Variants in HEATR5B observed in about 807,000 individuals in gnomAD.
The protein encoded by HEATR5B is HEAT repeat-containing protein 5B.
Under a neutral mutation model 224.1 loss-of-function variants are expected in HEATR5B, and 156 were observed. The ratio of observed to expected loss-of-function variants is 0.70; its 90% CI spans 0.61 to 0.80. HEATR5B has a LOEUF of 0.80. HEATR5B is among the 30% of genes least tolerant of loss of function. The probability of loss-of-function intolerance (pLI) is 0.00; values close to 1 mark genes in which losing one functional copy is unlikely to be tolerated. For synonymous variants in HEATR5B, 1,027 were observed against 893.0 expected, an observed-to-expected ratio of 1.15 and a Z score of -2.68; for missense variants, 2,323 against 2,535.5, an observed-to-expected ratio of 0.92 and a Z score of 1.80.
intron 24 of HEATR5B, among the ~76,000 whole-genome samples, chr2:37,026,955 C>T (rs1018160103): frequency 4.6e-5 from 7 of 152,108 alleles, no homozygotes; most frequent in Admixed American, 1.3e-4. Context: ...TGTGCCAGGA[C>T]GCCCACTAAT....
chr2:37,073,970 T>G (rs1672068379), intron 5 of HEATR5B, among the ~76,000 whole-genome samples: 1 of 152,114 alleles, frequency 6.6e-6, no homozygotes, highest in South Asian at 2.1e-4. Flanking sequence ...TACACACAAC[T>G]GATTTTCAAC....
intron 17 of HEATR5B, among the ~76,000 whole-genome samples, chr2:37,051,521 G>A (rs1425456831): frequency 1.3e-5 from 2 of 152,028 alleles, no homozygotes; most frequent in Admixed American, 1.3e-4. Context: ...ATTGCATGGG[G>A]AAAATGTTAA....
chr2:37,056,222 C>T (rs1558353296), intron 16 of HEATR5B, among the ~76,000 whole-genome samples: 1 of 151,846 alleles, frequency 6.6e-6, no homozygotes. Context: ...GATGCTAGTA[C>T]ACAGGGTCAA....
chr2:36,988,475 T>C (rs145494241), intron 35 of HEATR5B, among the ~76,000 whole-genome samples, 171 bp downstream of exon 35: 9 of 152,242 alleles, frequency 5.9e-5, no homozygotes, highest in Admixed American at 5.9e-4. Context: ...TTGGCCAGGA[T>C]GGTCTCGATC....
Position 37,070,389 on chromosome 2 carries a change from T to C in HEATR5B, c.770-2A>G, listed in dbSNP as rs1159117866. On this transcript the variant is annotated splice_acceptor_variant, in intron 6 of 35. Coordinates refer to ENST00000233099, the MANE Select transcript of HEATR5B (RefSeq NM_019024.3). LOFTEE classifies it high-confidence loss of function. ...CTCGCTTCACATTCTGACGCATTAC[T>C]TTCAAGAAGAAAAATTAAAGTATAA... 6.2e-7 allele frequency: 1 copy of C among 1,610,368 alleles called. No individual in the cohort carries two copies. Among genetic ancestry groups the C allele is most frequent in the Admixed American group, 1.7e-5 (1 of 59,506 alleles).
At chr2:36,995,062 C>T (rs983520113) in intron 33 of HEATR5B, among the ~76,000 whole-genome samples, 8 of 144,652 alleles carry the variant, frequency 5.5e-5, no homozygotes, top group Admixed American at 2.8e-4. Flanking sequence ...AAATTCTCAA[C>T]GATTTCTTCG....
At chr2:37,043,422 T>C (rs545721636) in intron 18 of HEATR5B, among the ~76,000 whole-genome samples, 1 of 152,224 alleles carries the variant, frequency 6.6e-6, no homozygotes, top group African/African-American at 2.4e-5. Flanking sequence ...AACAATAGCA[T>C]CTGCTCATTA....
At chr2:36,990,827 C>A in intron 33 of HEATR5B, 28 bp from the exon 34 acceptor site, 2 of 1,524,544 alleles carry the variant, frequency 1.3e-6, no homozygotes, top group Non-Finnish European at 8.8e-7. Flanking sequence ...AAGAAGTGTG[C>A]TGTTTCTAAA....
At chr2:36,992,582 A>AAAAC (rs765170258) in intron 33 of HEATR5B, among the ~76,000 whole-genome samples, 3 of 152,136 alleles carry the variant, frequency 2.0e-5, no homozygotes, top group Admixed American at 6.5e-5. Flanking sequence ...CCCTGTCTCA[A>AAAAC]AAACAAACAA....
At chr2:37,073,673 G>A (rs1361089143) in intron 5 of HEATR5B, among the ~76,000 whole-genome samples, 2 of 152,200 alleles carry the variant, frequency 1.3e-5, no homozygotes, top group Non-Finnish European at 2.9e-5. Context: ...AATAAATGGA[G>A]AGATATATCA....
chr2:37,037,145 G>GAGATAGATATATATATATATATAT, intron 21 of HEATR5B, among the ~76,000 whole-genome samples: 2 of 89,138 alleles, frequency 2.2e-5, no homozygotes, highest in African/African-American at 7.6e-5. Context: ...CTAAAAATGT[G>GAGATAGATATATATATATATATAT]ATATATATAT....
At chr2:37,073,915 G>T (rs531295294) in intron 5 of HEATR5B, among the ~76,000 whole-genome samples, 1 of 152,318 alleles carries the variant, frequency 6.6e-6, no homozygotes, top group African/African-American at 2.4e-5. Context: ...TAGACAAATG[G>T]ATCAATGAAA....
rs1395500585 is a variant in HEATR5B at position 37,041,276 on chromosome 2, C to T, written c.2713G>A (p.Asp905Asn). The T allele has an allele frequency of 6.2e-7, 1 of 1,613,820 alleles. No homozygotes were observed. Among genetic ancestry groups the T allele is most frequent in the Admixed American group, 1.7e-5 (1 of 59,952 alleles). ...YSFDKLKSAR[D>N]VVSRTGHSLA... ...GAATGACCAGTCCTAGATACAACAT[C>T]TCGAGCCGATTTCAACCTGAAAAAA... is the stretch of plus-strand genomic sequence containing the variant. The change falls in exon 19 of 36, where the codon GAT (aspartate) becomes AAT (asparagine). Residue 905 changes from aspartate to asparagine, a missense_variant. Physicochemically the swap from Asp to Asn is conservative, Grantham distance 23 (BLOSUM62 1). This residue lies in a region of HEATR5B where 170 missense variants were observed against 216.7 expected (regional missense o/e 0.78). Coordinates refer to ENST00000233099, the MANE Select transcript of HEATR5B (RefSeq NM_019024.3).
chr2:37,035,444 G>A (rs1004597752), intron 21 of HEATR5B, among the ~76,000 whole-genome samples: 3 of 152,086 alleles, frequency 2.0e-5, no homozygotes, highest in Admixed American at 2.0e-4. Flanking sequence ...GAGTATCCTT[G>A]CAATACTACC....
intron 6 of HEATR5B, among the ~76,000 whole-genome samples, chr2:37,071,022 A>G (rs1449608684): frequency 6.6e-6 from 1 of 152,222 alleles, no homozygotes. Context: ...TTCCTCATCT[A>G]TAAAATAGTA....
intron 24 of HEATR5B, among the ~76,000 whole-genome samples, chr2:37,027,551 G>A (rs542851096): frequency 2.0e-5 from 3 of 152,274 alleles, no homozygotes; most frequent in Admixed American, 1.3e-4. Context: ...GGCTGGGGAC[G>A]GCAAAGCTCA....
At chr2:37,026,267 T>A (rs1177506090) in intron 24 of HEATR5B, among the ~76,000 whole-genome samples, 1 of 152,152 alleles carries the variant, frequency 6.6e-6, no homozygotes, top group Non-Finnish European at 1.5e-5. Flanking sequence ...CCCTAGAGCC[T>A]CTAGAAAGGA....
At chr2:37,081,610 G>C (rs1431046427) in intron 2 of HEATR5B, among the ~76,000 whole-genome samples, 3 of 152,158 alleles carry the variant, frequency 2.0e-5, no homozygotes, top group Non-Finnish European at 4.4e-5. Context: ...CCTTGAGATA[G>C]AGGGAATGGT....
Position 37,028,588 on chromosome 2 carries a change from T to C in HEATR5B, c.3601+93A>G, listed in dbSNP as rs1179304426. 2.2e-5 allele frequency: 20 copies of C among 926,760 alleles called. 1 individual carries two copies. Among genetic ancestry groups the C allele is most frequent in the African/African-American group, 6.7e-5 (4 of 59,304 alleles). The allele number at this position is 926,760 out of a possible 1,614,324, so 57.4% of individuals were successfully genotyped here. A position where few individuals can be genotyped will look rare whatever the true frequency, so the allele number is the denominator to read the frequency against. ...TATTACTTTTAAATAAAACCTATAA[T>C]TTACATGTATGTATCTTTATACATA... On this transcript the variant is annotated intron_variant, in intron 23 of 35. Transcript: ENST00000233099.
Sources: gnomAD v4.1 joint callset for allele counts (sites outside exome capture counted in the v4.1 genomes callset) on GRCh38, gnomAD v4.1.1 for gene constraint, gnomAD v4.1.1 regional missense constraint, MANE v1.5 for transcripts, NCBI Gene and HGNC (gene_info 2026-07-23, HGNC 2026-07-21) for gene names.